Variants in NAV2 observed in about 807,000 individuals in gnomAD.
NAV2 encodes the protein neuron navigator 2, also known as helicase, APC down-regulated 1.
A neutral mutation model predicts 223.2 loss-of-function variants in NAV2; 54 were observed. The ratio of observed to expected loss-of-function variants is 0.24; its 90% confidence interval spans 0.19 to 0.30. The LOEUF is 0.30. Among genes scored for constraint, NAV2 ranks in the 10% least tolerant of loss-of-function variants. The pLI is 1.00. For missense variants in NAV2, 2,806 were observed against 3,147.5 expected (o/e 0.89, Z 2.60); for synonymous variants, 1,279 against 1,239.3 (o/e 1.03, Z -0.67).
intron 12 of NAV2, among the ~76,000 whole-genome samples, chr11:20,036,420 C>T (rs1405659198): frequency 6.6e-6 from 1 of 152,210 alleles, no homozygotes; most frequent in African/African-American, 2.4e-5. Context: ...GGGACTTTAG[C>T]AATTTTCAGC....
chr11:19,579,705 G>A (rs2135004841), intron 1 of NAV2, among the ~76,000 whole-genome samples: 1 of 152,340 alleles, frequency 6.6e-6, no homozygotes, highest in Admixed American at 6.5e-5. Context: ...TTCAGTAAGT[G>A]TACATAGTAA....
At chr11:19,914,253 G>A (rs926402064) in intron 6 of NAV2, among the ~76,000 whole-genome samples, 4 of 152,218 alleles carry the variant, frequency 2.6e-5, no homozygotes, top group African/African-American at 7.2e-5. Flanking sequence ...CTTTTTGGAA[G>A]TGTTTCCTTT....
chr11:19,353,795 A>G (rs1321030433), intron 1 of NAV2, among the ~76,000 whole-genome samples: 1 of 152,238 alleles, frequency 6.6e-6, no homozygotes, highest in African/African-American at 2.4e-5. Context: ...ATAGAAGAAT[A>G]CAGAATATAA....
chr11:20,054,229 T>C lies in NAV2; in HGVS notation c.4631T>C (p.Phe1544Ser). ...TCTCCCTCCGGAACAAGATTCAACT[T>C]TTCCCAGCTTGGTGAGTAGCCACTT... ...VTSPSGTRFN[F>S]SQLASPTTVT... Residue 1544 changes from phenylalanine (F) to serine (S), a missense_variant, in exon 18 of 38, where the codon TTT becomes TCT. This residue lies in a region of NAV2 where 742 missense variants were observed against 777.9 expected (regional missense o/e 0.95). Coordinates refer to ENST00000349880, the MANE Select transcript of NAV2 (RefSeq NM_145117.5). 1 of 1,610,174 alleles carries C rather than the reference T, an allele frequency of 6.2e-7. No individual in the cohort carries two copies. The highest frequency in any genetic ancestry group is 8.5e-7 in the Non-Finnish European group (1 of 1,179,080).
At chr11:19,408,229 T>G (rs1325319234) in intron 1 of NAV2, among the ~76,000 whole-genome samples, 1 of 152,148 alleles carries the variant, frequency 6.6e-6, no homozygotes, top group Non-Finnish European at 1.5e-5. Context: ...CATTGAAGCT[T>G]TATTTATTTT....
chr11:19,831,802 A>AT (rs1444780810), intron 1 of NAV2, among the ~76,000 whole-genome samples: 6 of 152,234 alleles, frequency 3.9e-5, no homozygotes, highest in African/African-American at 1.4e-4. Context: ...GCCTTCTAAA[A>AT]TGCTGCACAC....
chr11:19,782,811 G>A (rs1288136725), intron 1 of NAV2, among the ~76,000 whole-genome samples: 1 of 152,240 alleles, frequency 6.6e-6, no homozygotes, highest in Non-Finnish European at 1.5e-5. Context: ...AAGAATGGGT[G>A]TTAGAGTGAA....
At chr11:19,898,985 A>G (rs1255846493) in intron 6 of NAV2, among the ~76,000 whole-genome samples, 3 of 152,176 alleles carry the variant, frequency 2.0e-5, no homozygotes, top group Non-Finnish European at 2.9e-5. Context: ...TTTGAGGTCA[A>G]ACTTTCTACT....
chr11:19,726,282 G>A (rs1279078870), intron 1 of NAV2, among the ~76,000 whole-genome samples: 2 of 152,168 alleles, frequency 1.3e-5, no homozygotes, highest in Non-Finnish European at 2.9e-5. Context: ...TGAAATGGTG[G>A]CCTGTAGTTT....
intron 1 of NAV2, among the ~76,000 whole-genome samples, chr11:19,757,540 A>G (rs1299163100): frequency 6.6e-6 from 1 of 152,204 alleles, no homozygotes; most frequent in African/African-American, 2.4e-5. Context: ...TCTGAACACC[A>G]GTTTTATCAG....
At chr11:19,918,822 T>G (rs2044022870) in intron 6 of NAV2, among the ~76,000 whole-genome samples, 1 of 152,254 alleles carries the variant, frequency 6.6e-6, no homozygotes, top group African/African-American at 2.4e-5. Flanking sequence ...TGACTCCCAC[T>G]TGCCCTCGGA....
intron 1 of NAV2, among the ~76,000 whole-genome samples, chr11:19,664,238 G>C (rs1382218001): frequency 1.3e-5 from 2 of 152,102 alleles, no homozygotes; most frequent in Admixed American, 1.3e-4. Context: ...TTTAGTTTAC[G>C]CTCTTGATTG....
chr11:20,018,617 G>T (rs930252323), intron 11 of NAV2, among the ~76,000 whole-genome samples: 10 of 152,144 alleles, frequency 6.6e-5, no homozygotes, highest in Non-Finnish European at 1.2e-4. Flanking sequence ...GTTCCATTTT[G>T]TCCTCCTATG....
At chr11:20,047,374 G>A (rs191782811) in intron 14 of NAV2, among the ~76,000 whole-genome samples, 3 of 152,222 alleles carry the variant, frequency 2.0e-5, no homozygotes, top group African/African-American at 7.2e-5. Flanking sequence ...GTATTAGTAT[G>A]GTGAAGAAAA....
chr11:19,831,243 T>TGGGGGGG (rs1565392533), intron 1 of NAV2, among the ~76,000 whole-genome samples: 9 of 1,858 alleles, frequency 4.8e-3, no homozygotes, highest in Admixed American at 0.014. Context: ...GGGGGCGCGA[T>TGGGGGGG]GGGGAGTGGG....
intron 1 of NAV2, among the ~76,000 whole-genome samples, chr11:19,794,020 C>T (rs945756714): frequency 7.9e-5 from 12 of 152,136 alleles, no homozygotes; most frequent in African/African-American, 2.9e-4. Flanking sequence ...GAAATCGCCT[C>T]GTTTAGGGGT....
chr11:19,558,918 A>G (rs1234397326), intron 1 of NAV2, among the ~76,000 whole-genome samples: 2 of 152,158 alleles, frequency 1.3e-5, no homozygotes, highest in Non-Finnish European at 2.9e-5. Flanking sequence ...TGTTTGCCCT[A>G]TACATGGTGG....
chr11:19,996,340 G>A (rs564566242), intron 11 of NAV2, among the ~76,000 whole-genome samples: 89 of 152,296 alleles, frequency 5.8e-4, no homozygotes, highest in African/African-American at 2.0e-3. Flanking sequence ...TGCTTGCAAA[G>A]CCACTGCATC....
At chr11:19,653,396 C>T (rs1225791836) in intron 1 of NAV2, among the ~76,000 whole-genome samples, 3 of 152,188 alleles carry the variant, frequency 2.0e-5, no homozygotes, top group South Asian at 2.1e-4. Context: ...AGGAAGAGAA[C>T]TAACATTTAT....
Sources: allele counts gnomAD v4.1 joint callset (sites outside exome capture counted in the v4.1 genomes callset), GRCh38; gene constraint gnomAD v4.1.1; regional missense constraint gnomAD v4.1.1; transcripts MANE v1.5; gene names NCBI Gene and HGNC (gene_info 2026-07-23, HGNC 2026-07-21).